Variants in IGFBP2 observed in about 807,000 individuals in gnomAD.
IGFBP2 encodes insulin-like growth factor-binding protein 2.
A neutral mutation model predicts 26.2 loss-of-function variants in IGFBP2; 12 were observed. The ratio of observed to expected loss-of-function variants is 0.46; its 90% CI spans 0.29 to 0.74. IGFBP2 has a LOEUF of 0.74. IGFBP2 is among the 30% of genes least tolerant of loss of function. The pLI is 0.09. For synonymous variants in IGFBP2, 189 were observed against 200.6 expected (o/e 0.94, Z 0.49); for missense variants, 328 against 441.2 (o/e 0.74, Z 2.30).
chr2:216,635,935 G>A (rs1697485847), intron 1 of IGFBP2, among the ~76,000 whole-genome samples: 1 of 152,050 alleles, frequency 6.6e-6, no homozygotes, highest in Non-Finnish European at 1.5e-5. Context: ...AAGAGGGGAT[G>A]TTAAGCAGGG....
rs184983449 is a variant in IGFBP2 at position 216,662,097 on chromosome 2, C to G, written c.813+99C>G. ...CCACCCGCCTATGATCCTCTGAGGT[C>G]TGAGCTGAGTGAGAGACTCAGACTC... On this transcript the variant is annotated intron_variant, in intron 3 of 3. Transcript: ENST00000233809. 5 of 1,368,478 alleles carry G rather than the reference C, an allele frequency of 3.7e-6. No individual in the cohort carries two copies. The East Asian group carries it at 9.3e-5, about 25-fold the overall frequency. 84.8% of individuals were successfully genotyped at this position (1,368,478 alleles called of 1,614,324 possible). A position where few individuals can be genotyped will look rare whatever the true frequency, so the allele number is the denominator to read the frequency against.
rs980456343 is a variant in IGFBP2, at chr2:216,663,877, T to A, written c.814-63T>A. The A allele has an allele frequency of 7.1e-6, 11 of 1,552,592 alleles. No homozygotes were observed. In the African/African-American group the frequency reaches 1.2e-4, roughly 17 times the overall value. ...GGGTGGCTGCTCAGTGGACGCCGGG[T>A]TGAGGGACAGAAGGAAAGTTGCTGG... On this transcript the variant is annotated intron_variant, in intron 3 of 3. Coordinates refer to ENST00000233809, the MANE Select transcript of IGFBP2 (RefSeq NM_000597.3).
At position 216,650,372 on chromosome 2, in the gene IGFBP2, C is replaced by T. The variant is rs541094996; in HGVS notation, c.443-10185C>T. ...CCAGGGGTGGTGGTGAAGTCAGGAT[C>T]GAACCTCAGTCCTTCCTCCCACACT... On this transcript the variant is annotated intron_variant, in intron 1 of 3. Coordinates refer to ENST00000233809, the MANE Select transcript of IGFBP2 (RefSeq NM_000597.3). Among the ~76,000 whole-genome samples the T allele has an allele frequency of 1.1e-4, 16 of 152,324 alleles. No individual in the cohort carries two copies. The East Asian group carries it at 1.2e-3, about 11-fold the overall frequency.
intron 1 of IGFBP2, among the ~76,000 whole-genome samples, chr2:216,659,135 A>G (rs1697979496): frequency 6.6e-6 from 1 of 152,184 alleles, no homozygotes; most frequent in South Asian, 2.1e-4. Flanking sequence ...GGGAGGGGAA[A>G]GGACAGGGAC....
intron 1 of IGFBP2, among the ~76,000 whole-genome samples, chr2:216,652,546 C>T (rs9341170): frequency 0.013 from 2,031 of 152,322 alleles, 50 homozygotes; most frequent in African/African-American, 0.047. Flanking sequence ...AAGGTTCTGA[C>T]TCGTGAGTGA....
chr2:216,647,164 CA>C (rs1697726833), intron 1 of IGFBP2, among the ~76,000 whole-genome samples: 1 of 152,066 alleles, frequency 6.6e-6, no homozygotes, highest in Non-Finnish European at 1.5e-5. Context: ...GAAGTCCCTT[CA>C]TGGTAAATAA....
intron 1 of IGFBP2, among the ~76,000 whole-genome samples, chr2:216,657,389 T>C (rs1195414482): frequency 6.6e-6 from 1 of 152,210 alleles, no homozygotes; most frequent in African/African-American, 2.4e-5. Flanking sequence ...TCCAGGTTTG[T>C]CTGATCTCAG....
Position 216,663,753 on chromosome 2 carries a change from C to T in IGFBP2, c.814-187C>T, listed in dbSNP as rs564295297. 3.1e-5 allele frequency: 18 copies of T among 587,846 alleles called. No individual in the cohort carries two copies. The Admixed American group carries it at 4.7e-4, about 15-fold the overall frequency. The allele number at this position is 587,846 out of a possible 1,614,324, so 36.4% of individuals were successfully genotyped here. A position where few individuals can be genotyped will look rare whatever the true frequency, so the allele number is the denominator to read the frequency against. ...CTAGCGATGCAGAATTTCCAGCTCTCCAGGGACCTACTGCATGGGAATCTG... is the reference window on the plus strand; with the variant it reads ...CTAGCGATGCAGAATTTCCAGCTCTTCAGGGACCTACTGCATGGGAATCTG... On this transcript the variant is annotated intron_variant, in intron 3 of 3. Transcript: ENST00000233809.
intron 1 of IGFBP2, among the ~76,000 whole-genome samples, chr2:216,649,787 C>T (rs1031230177): frequency 6.6e-6 from 1 of 152,134 alleles, no homozygotes; most frequent in East Asian, 1.9e-4. Flanking sequence ...TAAAGGAGCC[C>T]TTTGGAGAGT....
In IGFBP2 at chr2:216,655,263, C is replaced by T. The variant is rs1697897049; in HGVS notation, c.443-5294C>T. 4.6e-5 allele frequency among the ~76,000 whole-genome samples: 7 copies of T among 152,110 alleles called. No homozygotes were observed. The South Asian group carries it at 1.4e-3, about 31-fold the overall frequency. On this transcript the variant is annotated intron_variant, in intron 1 of 3. Coordinates refer to ENST00000233809, the MANE Select transcript of IGFBP2 (RefSeq NM_000597.3). The stretch of plus-strand genomic sequence containing the variant: ...GTGATATAGTTAGGCTTTGTGTCGC[C>T]ACCCAAATGTCATCTTGAATTGTAA...
At chr2:216,657,812 A>G (rs1697947493) in intron 1 of IGFBP2, among the ~76,000 whole-genome samples, 1 of 152,210 alleles carries the variant, frequency 6.6e-6, no homozygotes. Flanking sequence ...GGCTTCATTT[A>G]TGGTACAACC....
At chr2:216,635,411 C>G (rs545122639) in intron 1 of IGFBP2, among the ~76,000 whole-genome samples, 1 of 152,122 alleles carries the variant, frequency 6.6e-6, no homozygotes. Flanking sequence ...GTGCCTGTCC[C>G]CCAGTCATGC....
At position 216,638,501 on chromosome 2, in the gene IGFBP2, G is replaced by A. The variant is rs565398605; in HGVS notation, c.442+4536G>A. ...GCCTGGGCAACAAGAGTGAAACTCC[G>A]TCTCAAAAATAAAATAAAATAAAAA... On this transcript the variant is annotated intron_variant, in intron 1 of 3. Coordinates refer to ENST00000233809, the MANE Select transcript of IGFBP2 (RefSeq NM_000597.3). 5.9e-5 allele frequency among the ~76,000 whole-genome samples: 9 copies of A among 151,908 alleles called. No individual in the cohort carries two copies. In the East Asian group the frequency reaches 9.7e-4, roughly 16 times the overall value.
In IGFBP2 at chr2:216,633,576, T is replaced by TGCCGCTGCTGCC. The variant is rs1697429014; in HGVS notation, c.64_65insCGCCGCTGCTGC (p.Leu21_Leu22insProProLeuLeu). ...CTGCCGCTGCCGCCGCCGCCGCTGCTGCCGCTGCTGCTGCTGCTACTGGGC... is the reference window on the plus strand; with the variant it reads ...CTGCCGCTGCCGCCGCCGCCGCTGCTGCCGCTGCTGCCGCCGCTGCTGCTGCTGCTACTGGGC... On this transcript the variant is annotated inframe_insertion, in exon 1 of 4. Coordinates refer to ENST00000233809, the MANE Select transcript of IGFBP2 (RefSeq NM_000597.3). The TGCCGCTGCTGCC allele has an allele frequency of 9.9e-7, 1 of 1,013,640 alleles. No homozygotes were observed. The highest frequency in any genetic ancestry group is 4.3e-5 in the South Asian group (1 of 23,270). 62.8% of individuals were successfully genotyped at this position (1,013,640 alleles called of 1,614,324 possible).
Position 216,663,926 on chromosome 2 carries a change from T to C in IGFBP2, c.814-14T>C. ...GGCTGCGGGCTCCTCCATGCTCTTC[T>C]CCTCTCTCCCCAGTGCAAGATGTCT... On this transcript the variant is annotated splice_polypyrimidine_tract_variant and intron_variant, in intron 3 of 3. Coordinates refer to ENST00000233809, the MANE Select transcript of IGFBP2 (RefSeq NM_000597.3). The C allele has an allele frequency of 6.2e-7, 1 of 1,611,502 alleles. No individual in the cohort carries two copies. The highest frequency in any genetic ancestry group is 8.5e-7 in the Non-Finnish European group (1 of 1,178,560).
chr2:216,659,670 T>C (rs1400792205), intron 1 of IGFBP2: 2 of 1,490,618 alleles, frequency 1.3e-6, no homozygotes, highest in Admixed American at 2.0e-5. Context: ...AGGCTGTGCA[T>C]ACAAAAGGTT....
intron 1 of IGFBP2, among the ~76,000 whole-genome samples, chr2:216,658,111 G>GT (rs1185254730): frequency 6.6e-6 from 1 of 152,140 alleles, no homozygotes; most frequent in Non-Finnish European, 1.5e-5. Context: ...CCCGGAGTTT[G>GT]TATGTTTTGT....
At chr2:216,639,237 G>A (rs1377215945) in intron 1 of IGFBP2, among the ~76,000 whole-genome samples, 1 of 151,884 alleles carries the variant, frequency 6.6e-6, no homozygotes, top group Non-Finnish European at 1.5e-5. Flanking sequence ...GTTTTACCAT[G>A]TTGGCCAGGT....
intron 1 of IGFBP2, among the ~76,000 whole-genome samples, chr2:216,653,668 T>TAGGGGTCTTAGGTAGAA (rs1351977197): frequency 1.3e-5 from 2 of 152,220 alleles, no homozygotes; most frequent in African/African-American, 4.8e-5. Context: ...AGCTCTCCTC[T>TAGGGGTCTTAGGTAGAA]AGGGGTCTTA....
Sources: gnomAD v4.1 joint callset for allele counts (sites outside exome capture counted in the v4.1 genomes callset) on GRCh38, gnomAD v4.1.1 for gene constraint, MANE v1.5 for transcripts, NCBI Gene and HGNC (gene_info 2026-07-23, HGNC 2026-07-21) for gene names.